FUBP3: variants seen among roughly 807,000 people sequenced by gnomAD.
FUBP3 encodes the protein far upstream element binding protein 3.
In FUBP3, 28 loss-of-function variants were observed where a neutral mutation model predicts 85.6. That is an observed-to-expected ratio of 0.33 (90% CI 0.24 to 0.45). FUBP3 has a LOEUF of 0.45. Ranked by LOEUF, FUBP3 falls within the 20% of genes least tolerant of loss-of-function variation. The probability of loss-of-function intolerance (pLI) is 1.00; values close to 1 mark genes in which losing one functional copy is unlikely to be tolerated. For missense variants in FUBP3, 583 were observed against 755.1 expected (o/e 0.77, Z 2.67); for synonymous variants, 271 against 271.4 (o/e 1.00, Z 0.01).
At chr9:130,587,133 C>T (rs1464693173) in intron 1 of FUBP3, among the ~76,000 whole-genome samples, 2 of 149,676 alleles carry the variant, frequency 1.3e-5, no homozygotes, top group East Asian at 2.0e-4. Flanking sequence ...GGCATGATCT[C>T]GGCTCACTGC....
intron 11 of FUBP3, 63 bp from the exon 12 acceptor site, chr9:130,626,299 GAA>G (rs1277330230): frequency 6.6e-7 from 1 of 1,523,594 alleles, no homozygotes; most frequent in Non-Finnish European, 8.9e-7. Flanking sequence ...CTCCTCCCTG[GAA>G]AAGAGAGGAG....
chr9:130,606,769 G>A (rs535432824), intron 2 of FUBP3, among the ~76,000 whole-genome samples: 27 of 151,910 alleles, frequency 1.8e-4, no homozygotes, highest in Admixed American at 2.6e-4. Context: ...GTGGTAAGCC[G>A]AGATCACGCC....
At chr9:130,591,973 T>C (rs1830644578) in intron 1 of FUBP3, among the ~76,000 whole-genome samples, 1 of 152,218 alleles carries the variant, frequency 6.6e-6, no homozygotes, top group Admixed American at 6.5e-5. Context: ...GGCTTACGCC[T>C]GTAATCTCAG....
intron 12 of FUBP3, among the ~76,000 whole-genome samples, chr9:130,628,232 T>G (rs535528680): frequency 6.6e-5 from 10 of 152,264 alleles, no homozygotes; most frequent in Non-Finnish European, 1.5e-4. Flanking sequence ...TTCCTTGGCC[T>G]CTGGCCTGGA....
intron 16 of FUBP3, among the ~76,000 whole-genome samples, chr9:130,633,854 C>T (rs952611361): frequency 6.6e-6 from 1 of 152,214 alleles, no homozygotes; most frequent in African/African-American, 2.4e-5. Context: ...AAGCATTTGG[C>T]TGCATGCTCT....
At chr9:130,636,959 C>G in intron 18 of FUBP3, 55 bp from the exon 19 acceptor site, 1 of 1,563,766 alleles carries the variant, frequency 6.4e-7, no homozygotes, top group Non-Finnish European at 8.8e-7. Flanking sequence ...GTCACTGGCA[C>G]ACAGACCTGA....
At chr9:130,634,811 A>G (rs1206283907) in intron 17 of FUBP3, 73 bp downstream of exon 17, 8 of 1,170,378 alleles carry the variant, frequency 6.8e-6, no homozygotes, top group African/African-American at 1.5e-5. Context: ...TCCAAGGCTC[A>G]CTGTCACCTC....
At chr9:130,603,843 G>A (rs1207872463) in intron 2 of FUBP3, among the ~76,000 whole-genome samples, 1 of 152,092 alleles carries the variant, frequency 6.6e-6, no homozygotes, top group Non-Finnish European at 1.5e-5. Context: ...ATACAGTTTG[G>A]GAGTGTCACA....
At chr9:130,620,234 G>A (rs550887827) in intron 8 of FUBP3, 120 bp from the exon 9 acceptor site, 1 of 587,038 alleles carries the variant, frequency 1.7e-6, no homozygotes, top group African/African-American at 1.9e-5. Flanking sequence ...TAAGTGAATT[G>A]TCCTACAGCT....
intron 14 of FUBP3, 112 bp downstream of exon 14, chr9:130,631,742 T>C: frequency 1.1e-6 from 1 of 910,882 alleles, no homozygotes; most frequent in South Asian, 1.5e-5. Context: ...GTTCTGGGCG[T>C]GGGCAGGACT....
intron 1 of FUBP3, among the ~76,000 whole-genome samples, chr9:130,591,742 A>G (rs963231042): frequency 2.0e-5 from 3 of 152,204 alleles, no homozygotes; most frequent in African/African-American, 4.8e-5. Flanking sequence ...TAATGAAGTG[A>G]GCATGAATTA....
chr9:130,613,257 C>A (rs1490749322), intron 5 of FUBP3, among the ~76,000 whole-genome samples: 1 of 152,226 alleles, frequency 6.6e-6, no homozygotes, highest in Non-Finnish European at 1.5e-5. Flanking sequence ...AGCTCTGTGG[C>A]CAGACATGGC....
intron 12 of FUBP3, among the ~76,000 whole-genome samples, chr9:130,629,048 C>T (rs1016147963): frequency 7.9e-5 from 12 of 152,220 alleles, no homozygotes; most frequent in African/African-American, 2.9e-4. Context: ...GGATTACAGG[C>T]GTGAGCCACC....
chr9:130,623,420 C>T (rs1346784178), intron 10 of FUBP3, among the ~76,000 whole-genome samples, 191 bp from the exon 11 acceptor site: 4 of 152,150 alleles, frequency 2.6e-5, no homozygotes, highest in Non-Finnish European at 5.9e-5. Flanking sequence ...TGACCTGAAA[C>T]ATGCAAAACA....
At chr9:130,591,041 A>G (rs1830603490) in intron 1 of FUBP3, among the ~76,000 whole-genome samples, 1 of 150,182 alleles carries the variant, frequency 6.7e-6, no homozygotes, top group Non-Finnish European at 1.5e-5. Flanking sequence ...ACTGAAAGCA[A>G]GTTTATTAAG....
At chr9:130,623,778 C>T (rs1001739869) in intron 11 of FUBP3, 67 bp downstream of exon 11, 5 of 1,015,696 alleles carry the variant, frequency 4.9e-6, no homozygotes, top group South Asian at 1.3e-5. Context: ...CCGGGGCTCT[C>T]GGTGCAGCAC....
intron 2 of FUBP3, among the ~76,000 whole-genome samples, chr9:130,601,747 C>G (rs910153662): frequency 2.0e-5 from 3 of 151,824 alleles, no homozygotes; most frequent in African/African-American, 7.3e-5. Context: ...TTTCAGTTAC[C>G]CACGGTCAAC....
intron 2 of FUBP3, among the ~76,000 whole-genome samples, chr9:130,604,875 C>T (rs1184176951): frequency 2.7e-5 from 4 of 147,206 alleles, no homozygotes; most frequent in African/African-American, 7.6e-5. Flanking sequence ...TCCAGCCTGG[C>T]GACAGAGCAA....
intron 1 of FUBP3, among the ~76,000 whole-genome samples, chr9:130,583,734 G>C (rs1830226217): frequency 6.6e-6 from 1 of 152,116 alleles, no homozygotes; most frequent in African/African-American, 2.4e-5. Context: ...AAAGGGTTTT[G>C]GTGATGTCAC....
Sources: gnomAD v4.1 joint callset for allele counts (sites outside exome capture counted in the v4.1 genomes callset) on GRCh38, gnomAD v4.1.1 for gene constraint, MANE v1.5 for transcripts, NCBI Gene and HGNC (gene_info 2026-07-23, HGNC 2026-07-21) for gene names.